The following GLRA1 variants were observed in gnomAD, a reference collection of about 807,000 sequenced individuals.
GLRA1 encodes glycine receptor subunit alpha-1.
In GLRA1, 37 loss-of-function variants were observed where a neutral mutation model predicts 48.3. The observed-to-expected ratio is 0.77, with a 90% CI of 0.59 to 1.01. The LOEUF is 1.01. Among genes scored for constraint, GLRA1 ranks in the 50% least tolerant of loss-of-function variants. The pLI is 0.00. For synonymous variants in GLRA1, 196 were observed against 210.7 expected, an observed-to-expected ratio of 0.93 and a Z score of 0.60; for missense variants, 427 against 571.0, an observed-to-expected ratio of 0.75 and a Z score of 2.57.
chr5:151,864,034 G>T (rs1753270969), intron 3 of GLRA1, among the ~76,000 whole-genome samples: 1 of 152,128 alleles, frequency 6.6e-6, no homozygotes. Context: ...TTGGCTCTTT[G>T]TCCTGTTGAT....
At chr5:151,911,600 G>GTTTTTTTTTT (rs768033241) in intron 1 of GLRA1, among the ~76,000 whole-genome samples, 1 of 92,362 alleles carries the variant, frequency 1.1e-5, no homozygotes, top group Non-Finnish European at 2.1e-5. Context: ...CCAAGCTAGA[G>GTTTTTTTTTT]TTTTTTTTTT....
intron 3 of GLRA1, among the ~76,000 whole-genome samples, chr5:151,886,421 G>C (rs540187810): frequency 1.3e-5 from 2 of 152,144 alleles, no homozygotes; most frequent in Admixed American, 6.5e-5. Flanking sequence ...CTTAAAAACA[G>C]GTCTTCACAT....
intron 3 of GLRA1, among the ~76,000 whole-genome samples, chr5:151,865,483 G>A (rs1753311660): frequency 6.6e-6 from 1 of 152,098 alleles, no homozygotes; most frequent in East Asian, 1.9e-4. Context: ...ATAGAGGAGT[G>A]GGAGGACACA....
intron 1 of GLRA1, among the ~76,000 whole-genome samples, chr5:151,922,403 CT>C (rs1409603081): frequency 6.6e-6 from 1 of 152,092 alleles, no homozygotes; most frequent in Admixed American, 6.5e-5. Context: ...TTTTTAATCT[CT>C]CTGAAAAATT....
chr5:151,913,545 C>G (rs1157653720), intron 1 of GLRA1, among the ~76,000 whole-genome samples: 2 of 152,144 alleles, frequency 1.3e-5, no homozygotes, highest in African/African-American at 4.8e-5. Flanking sequence ...TAAAACCTGG[C>G]ATTTTCAAGA....
At chr5:151,910,442 T>C (rs1054560689) in intron 1 of GLRA1, among the ~76,000 whole-genome samples, 1 of 152,214 alleles carries the variant, frequency 6.6e-6, no homozygotes, top group Non-Finnish European at 1.5e-5. Context: ...AGTCCATTTT[T>C]GTAGAATTTT....
At chr5:151,909,891 TCTAA>T (rs1252957758) in intron 1 of GLRA1, among the ~76,000 whole-genome samples, 1 of 151,980 alleles carries the variant, frequency 6.6e-6, no homozygotes, top group Non-Finnish European at 1.5e-5. Flanking sequence ...TCTTTCCATC[TCTAA>T]CTTTTTTTTT....
chr5:151,850,610 TCTG>T, intron 7 of GLRA1: 1 of 1,474,890 alleles, frequency 6.8e-7, no homozygotes, highest in East Asian at 2.3e-5. Flanking sequence ...CAACGACTTT[TCTG>T]CTGGTGTAGC....
intron 3 of GLRA1, among the ~76,000 whole-genome samples, chr5:151,866,709 G>T (rs1753345710): frequency 6.6e-6 from 1 of 152,020 alleles, no homozygotes; most frequent in Non-Finnish European, 1.5e-5. Flanking sequence ...GAGGCACAGG[G>T]TCTTCATTTG....
intron 6 of GLRA1, among the ~76,000 whole-genome samples, chr5:151,853,248 A>AT (rs914951798): frequency 1.3e-4 from 19 of 150,860 alleles, no homozygotes; most frequent in South Asian, 4.2e-4. Flanking sequence ...CTTTTTACTT[A>AT]TTTTTTTTTC....
chr5:151,860,458 TGAGA>T (rs1753166997), intron 3 of GLRA1, among the ~76,000 whole-genome samples: 1 of 152,148 alleles, frequency 6.6e-6, no homozygotes, highest in African/African-American at 2.4e-5. Flanking sequence ...CACTAAGATT[TGAGA>T]GTCACTGGTC....
At chr5:151,839,711 G>C (rs1401232751) in intron 7 of GLRA1, among the ~76,000 whole-genome samples, 1 of 152,054 alleles carries the variant, frequency 6.6e-6, no homozygotes, top group Non-Finnish European at 1.5e-5. Flanking sequence ...TACAGGTGGG[G>C]CCTTAATTCA....
At chr5:151,846,834 T>C (rs1752683715) in intron 7 of GLRA1, among the ~76,000 whole-genome samples, 1 of 152,238 alleles carries the variant, frequency 6.6e-6, no homozygotes, top group South Asian at 2.1e-4. Flanking sequence ...ATTATTGAAT[T>C]ATTTCAAATT....
Position 151,822,895 on chromosome 5 carries a change from G to A in GLRA1, c.1128C>T (p.Ala376=). Residue 376 remains alanine (A), a synonymous_variant, in exon 9 of 9, where the codon GCC becomes GCT. Coordinates refer to ENST00000274576, the MANE Select transcript of GLRA1 (RefSeq NM_000171.4). ...AYGMGPACLQ[A]KDGISVKGAN... Reference sequence around the variant, plus strand: ...CGCCCTTGACTGAGATGCCATCCTTGGCCTGTAGACAGGCTGGGCCCATCC... The same window carrying A: ...CGCCCTTGACTGAGATGCCATCCTTAGCCTGTAGACAGGCTGGGCCCATCC... 6.2e-7 allele frequency: 1 copy of A among 1,614,004 alleles called. No homozygotes were observed. The highest frequency in any genetic ancestry group is 1.1e-5 in the South Asian group (1 of 91,072).
chr5:151,897,049 T>C (rs1215096681), intron 1 of GLRA1, among the ~76,000 whole-genome samples: 9 of 152,206 alleles, frequency 5.9e-5, no homozygotes, highest in Non-Finnish European at 1.0e-4. Context: ...TAATGATTTA[T>C]TGTTATTATG....
chr5:151,829,289 C>G (rs1763364697), intron 7 of GLRA1, among the ~76,000 whole-genome samples: 1 of 152,150 alleles, frequency 6.6e-6, no homozygotes. Flanking sequence ...GTACCTATGA[C>G]AGTACTGAAG....
At chr5:151,911,552 T>C (rs1277917740) in intron 1 of GLRA1, among the ~76,000 whole-genome samples, 1 of 151,598 alleles carries the variant, frequency 6.6e-6, no homozygotes, top group Non-Finnish European at 1.5e-5. Context: ...ACATAGCAAG[T>C]AGTATAACTA....
intron 1 of GLRA1, among the ~76,000 whole-genome samples, chr5:151,894,577 G>A (rs1754184462): frequency 6.6e-6 from 1 of 152,122 alleles, no homozygotes. Flanking sequence ...TCACTCACCA[G>A]GTGCTGATGT....
At chr5:151,826,007 A>G (rs1024298380) in intron 8 of GLRA1, among the ~76,000 whole-genome samples, 3 of 152,230 alleles carry the variant, frequency 2.0e-5, no homozygotes, top group African/African-American at 4.8e-5. Flanking sequence ...AATTTCTGAC[A>G]TTTGGGCCAA....
Sources: allele counts gnomAD v4.1 joint callset (sites outside exome capture counted in the v4.1 genomes callset), GRCh38; gene constraint gnomAD v4.1.1; transcripts MANE v1.5; gene names NCBI Gene and HGNC (gene_info 2026-07-23, HGNC 2026-07-21).